Variants in PLOD2 observed in about 807,000 individuals in gnomAD.
PLOD2 encodes the protein procollagen-lysine,2-oxoglutarate 5-dioxygenase 2, also known as lysine hydroxylase 2.
A neutral mutation model predicts 101.0 loss-of-function variants in PLOD2; 65 were observed. The observed-to-expected ratio is 0.64, with a 90% CI of 0.53 to 0.79. The LOEUF is 0.79. Ranked by LOEUF, PLOD2 falls within the 30% of genes least tolerant of loss-of-function variation. The pLI is 0.00. For synonymous variants in PLOD2, 314 were observed against 302.9 expected (o/e 1.04, Z -0.38); for missense variants, 909 against 914.6 (o/e 0.99, Z 0.08).
Position 146,077,845 on chromosome 3 carries a change from A to AT in PLOD2, c.1563+16dup, listed in dbSNP as rs1175259791. On this transcript the variant is annotated intron_variant, in intron 14 of 19. Transcript: ENST00000282903. The stretch of plus-strand genomic sequence containing the variant: ...TATTAAATAAACAAAAATAAATAAA[A>AT]TAAGTAAAAATAACACCTTTGGGGG... 1.4e-6 allele frequency: 2 copies of AT among 1,468,312 alleles called. No individual in the cohort carries two copies. The highest frequency in any genetic ancestry group is 1.9e-6 in the Non-Finnish European group (2 of 1,059,282). The allele number at this position is 1,468,312 out of a possible 1,614,324, so 91.0% of individuals were successfully genotyped here.
chr3:146,138,125 A>G (rs780349666), intron 1 of PLOD2, among the ~76,000 whole-genome samples: 12 of 152,146 alleles, frequency 7.9e-5, no homozygotes, highest in Non-Finnish European at 1.5e-4. Context: ...CACAGGGGGC[A>G]CAGCTAAGAG....
At position 146,076,788 on chromosome 3, in the gene PLOD2, A is replaced by G; in HGVS notation, c.1671T>C (p.Asn557=). ...YNNDLWQIFE[N]PVDWKEKYIN... is the part of the protein sequence containing the mutation. The stretch of plus-strand genomic sequence containing the variant: ...TTGAGTATGAAATACATACCACAGG[A>G]TTTTCAAAAATCTGCCAGAGGTCAT... Residue 557 remains asparagine, a synonymous_variant, in exon 15 of 20, where the codon AAT becomes AAC. Transcript: ENST00000282903. 1 of 1,460,626 alleles carries G rather than the reference A, an allele frequency of 6.8e-7. No homozygotes were observed. Among genetic ancestry groups the G allele is most frequent in the Non-Finnish European group, 9.6e-7 (1 of 1,041,872 alleles). The allele number at this position is 1,460,626 out of a possible 1,614,324, so 90.5% of individuals were successfully genotyped here. A position where few individuals can be genotyped will look rare whatever the true frequency, so the allele number is the denominator to read the frequency against.
chr3:146,107,068 A>G (rs1312652600), intron 4 of PLOD2, among the ~76,000 whole-genome samples: 2 of 152,228 alleles, frequency 1.3e-5, no homozygotes, highest in East Asian at 1.9e-4. Flanking sequence ...TAAAATCTCT[A>G]CTACAGTGGT....
intron 1 of PLOD2, among the ~76,000 whole-genome samples, chr3:146,152,877 G>A (rs2108143906): frequency 6.6e-6 from 1 of 152,322 alleles, no homozygotes; most frequent in South Asian, 2.1e-4. Flanking sequence ...TGATTTTCCA[G>A]TGTGAGGTTT....
intron 7 of PLOD2, among the ~76,000 whole-genome samples, chr3:146,095,034 C>T (rs556707139): frequency 6.6e-6 from 1 of 152,098 alleles, no homozygotes; most frequent in Non-Finnish European, 1.5e-5. Context: ...AAAACAGAAA[C>T]TGGACCTCTT....
Position 146,071,113 on chromosome 3 carries a change from G to A in PLOD2, c.2050C>T (p.Leu684Phe). 6.2e-7 allele frequency: 1 copy of A among 1,610,836 alleles called. No homozygotes were observed. The highest frequency in any genetic ancestry group is 1.3e-5 in the African/African-American group (1 of 74,870). ...VKYSPERQRS[L>F]RPHHDASTFT... ...GTAGAAGCATCATGATGAGGACGAA[G>A]AGAACGCTGTCGTTCAGGGGAGTAT... Residue 684 changes from leucine (L) to phenylalanine (F), a missense_variant, in exon 19 of 20, where the codon CTT (leucine) becomes TTT (phenylalanine). Physicochemically the swap from Leu to Phe is conservative, Grantham distance 22 (BLOSUM62 0). Transcript: ENST00000282903.
At chr3:146,147,476 G>C (rs1185421701) in intron 1 of PLOD2, among the ~76,000 whole-genome samples, 1 of 152,146 alleles carries the variant, frequency 6.6e-6, no homozygotes, top group Non-Finnish European at 1.5e-5. Flanking sequence ...CTGTAGCAGA[G>C]TTTCCCAACT....
At position 146,091,859 on chromosome 3, in the gene PLOD2, T is replaced by C. The variant is rs750468356; in HGVS notation, c.820A>G (p.Thr274Ala). 1.2e-6 allele frequency: 2 copies of C among 1,607,104 alleles called. No individual in the cohort carries two copies. The highest frequency in any genetic ancestry group is 2.2e-5 in the East Asian group (1 of 44,764). The change falls in exon 8 of 20, where the codon ACA becomes GCA. Residue 274 changes from threonine to alanine, a missense_variant. Physicochemically the swap from Thr to Ala is moderately conservative, Grantham distance 58. Coordinates refer to ENST00000282903, the MANE Select transcript of PLOD2 (RefSeq NM_182943.3). ...CAAAGAGTGCAGCCATTATCCTGTGTCCATGAATTGGGTACATAGTTTCCA... is the reference window on the plus strand; with the variant it reads ...CAAAGAGTGCAGCCATTATCCTGTGCCCATGAATTGGGTACATAGTTTCCA... ...YFGNYVPNSW[T>A]QDNGCTLCEF...
chr3:146,069,972 T>C lies in PLOD2; in HGVS notation c.*745A>G, dbSNP rs962505105. ...GACACTTGCTGATCTTGACACTTGA[T>C]AATACTTTAAGAAATGGAAAGGTTT... On this transcript the variant is annotated 3_prime_UTR_variant, in exon 20 of 20. Transcript: ENST00000282903. 3.3e-5 allele frequency: 5 copies of C among 152,168 alleles called. No homozygotes were observed. Among genetic ancestry groups the C allele is most frequent in the African/African-American group, 1.2e-4 (5 of 41,418 alleles). The allele number at this position is 152,168 out of a possible 1,614,324, so 9.4% of individuals were successfully genotyped here.
chr3:146,071,251 G>A (rs1559830624), intron 18 of PLOD2, 26 bp downstream of exon 18: 1 of 1,611,542 alleles, frequency 6.2e-7, no homozygotes, highest in Non-Finnish European at 8.5e-7. Context: ...GTAAGAAATA[G>A]GCTGGAGGGG....
intron 1 of PLOD2, among the ~76,000 whole-genome samples, chr3:146,155,037 A>T (rs974842583): frequency 6.6e-6 from 1 of 152,242 alleles, no homozygotes; most frequent in African/African-American, 2.4e-5. Flanking sequence ...CTACATTTTT[A>T]AATTATAAAC....
chr3:146,155,329 A>AAATAAATT (rs1553743354), intron 1 of PLOD2, among the ~76,000 whole-genome samples: 134 of 150,744 alleles, frequency 8.9e-4, no homozygotes, highest in African/African-American at 3.0e-3. Flanking sequence ...GTCTATAAAT[A>AAATAAATT]AATTAATTAA....
At chr3:146,138,395 G>C (rs1217727721) in intron 1 of PLOD2, among the ~76,000 whole-genome samples, 3 of 151,870 alleles carry the variant, frequency 2.0e-5, no homozygotes, top group Non-Finnish European at 4.4e-5. Context: ...GATAAAGAAC[G>C]AAGTGTCATA....
chr3:146,149,894 A>T (rs2031976900), intron 1 of PLOD2, among the ~76,000 whole-genome samples: 1 of 152,044 alleles, frequency 6.6e-6, no homozygotes, highest in Non-Finnish European at 1.5e-5. Context: ...CCTTCAATTT[A>T]CATAAAATCC....
intron 3 of PLOD2, among the ~76,000 whole-genome samples, chr3:146,119,446 T>TC (rs541508571): frequency 5.7e-4 from 21 of 36,794 alleles, no homozygotes; most frequent in Admixed American, 1.6e-3. Context: ...CTTTTGCCTC[T>TC]TTTTTTTTAT....
In PLOD2 at chr3:146,085,469, A is replaced by T. The variant is rs1936734284; in HGVS notation, c.1128-196T>A. ...AATGGTCAATTTAACACGGATATTC[A>T]CAGGGAGCTCACCTCTAAAATTTTA... On this transcript the variant is annotated intron_variant, in intron 10 of 19. Transcript: ENST00000282903. 6 of 565,374 alleles carry T rather than the reference A, an allele frequency of 1.1e-5. No homozygotes were observed. The East Asian group carries it at 1.7e-4, about 16-fold the overall frequency. The allele number at this position is 565,374 out of a possible 1,614,324, so 35.0% of individuals were successfully genotyped here.
In PLOD2 at chr3:146,088,531, C is replaced by T. The variant is rs1207458553; in HGVS notation, c.1005+55G>A. On this transcript the variant is annotated intron_variant, in intron 9 of 19. Coordinates refer to ENST00000282903, the MANE Select transcript of PLOD2 (RefSeq NM_182943.3). ...TATTTGACATAAATAACAAATAGTTCCAAAAAAGACCAAAAATAGTTTTGA... is the reference window on the plus strand; with the variant it reads ...TATTTGACATAAATAACAAATAGTTTCAAAAAAGACCAAAAATAGTTTTGA... 8 of 1,244,504 alleles carry T rather than the reference C, an allele frequency of 6.4e-6. No individual in the cohort carries two copies. In the African/African-American group the frequency reaches 7.5e-5, roughly 12 times the overall value. 77.1% of individuals were successfully genotyped at this position (1,244,504 alleles called of 1,614,324 possible).
rs1197228974 is a variant in PLOD2, at chr3:146,138,945, G to A, written c.110-14716C>T. Among the ~76,000 whole-genome samples the A allele has an allele frequency of 7.9e-5, 12 of 152,222 alleles. 1 individual carries two copies. In the South Asian group the frequency reaches 2.3e-3, roughly 29 times the overall value. On this transcript the variant is annotated intron_variant, in intron 1 of 19. Transcript: ENST00000282903. The stretch of plus-strand genomic sequence containing the variant: ...CAGAGCTCATATTTGAACCGAGAAA[G>A]ACTAGCTCCAGAGGCTGTGCTCTTA...
chr3:146,130,914 T>C (rs2030872154), intron 1 of PLOD2, among the ~76,000 whole-genome samples: 1 of 152,196 alleles, frequency 6.6e-6, no homozygotes, highest in African/African-American at 2.4e-5. Context: ...GGATTCCATA[T>C]GGTTTCCAGA....
Sources: gnomAD v4.1 joint callset for allele counts (sites outside exome capture counted in the v4.1 genomes callset) on GRCh38, gnomAD v4.1.1 for gene constraint, MANE v1.5 for transcripts, NCBI Gene and HGNC (gene_info 2026-07-23, HGNC 2026-07-21) for gene names.